The following DIS3L2 variants were observed in gnomAD, a reference collection of about 807,000 sequenced individuals.
The protein encoded by DIS3L2 is DIS3 like 3'-5' exoribonuclease 2.
A neutral mutation model predicts 97.5 loss-of-function variants in DIS3L2; 34 were observed. That is an observed-to-expected ratio of 0.35 (90% confidence interval 0.27 to 0.46). DIS3L2 has a LOEUF of 0.46. Among genes scored for constraint, DIS3L2 ranks in the 20% least tolerant of loss-of-function variants. DIS3L2 has a pLI of 1.00. For synonymous variants in DIS3L2, 435 were observed against 445.2 expected, an observed-to-expected ratio of 0.98 and a Z score of 0.29; for missense variants, 1,038 against 1,146.0, an observed-to-expected ratio of 0.91 and a Z score of 1.36.
chr2:231,985,983 A>G (rs1455904543), intron 1 of DIS3L2, among the ~76,000 whole-genome samples: 1 of 152,214 alleles, frequency 6.6e-6, no homozygotes, highest in African/African-American at 2.4e-5. Flanking sequence ...CAAGTCGGGT[A>G]AGCTGGCTTG....
At chr2:232,305,614 T>G (rs189761847) in intron 14 of DIS3L2, among the ~76,000 whole-genome samples, 7 of 152,316 alleles carry the variant, frequency 4.6e-5, no homozygotes, top group African/African-American at 1.7e-4. Flanking sequence ...GTCTATTGAC[T>G]CACTCTTACG....
intron 9 of DIS3L2, among the ~76,000 whole-genome samples, chr2:232,164,429 A>G (rs893765207): frequency 3.9e-5 from 6 of 152,224 alleles, no homozygotes; most frequent in Non-Finnish European, 7.3e-5. Context: ...GGAGATATTT[A>G]GAACCAAGAA....
Position 232,302,741 on chromosome 2 carries a change from A to G in DIS3L2, c.1739+2622A>G, listed in dbSNP as rs977891311. Among the ~76,000 whole-genome samples, 3 of 151,882 alleles carry G rather than the reference A, an allele frequency of 2.0e-5. No homozygotes were observed. The South Asian group carries it at 6.2e-4, about 32-fold the overall frequency. ...ACACCTAGCTAAATTTTGTATTTTTAGTAGAGATGGGGTTTCACCATATTG... is the reference window on the plus strand; with the variant it reads ...ACACCTAGCTAAATTTTGTATTTTTGGTAGAGATGGGGTTTCACCATATTG... On this transcript the variant is annotated intron_variant, in intron 14 of 20. Coordinates refer to ENST00000325385, the MANE Select transcript of DIS3L2 (RefSeq NM_152383.5).
intron 9 of DIS3L2, among the ~76,000 whole-genome samples, chr2:232,181,961 A>G (rs1312097741): frequency 6.6e-6 from 1 of 151,850 alleles, no homozygotes; most frequent in East Asian, 1.9e-4. Flanking sequence ...CGCCTGGCTA[A>G]TTTTTGTATT....
At chr2:232,112,978 G>T (rs927746640) in intron 6 of DIS3L2, among the ~76,000 whole-genome samples, 1 of 152,070 alleles carries the variant, frequency 6.6e-6, no homozygotes, top group African/African-American at 2.4e-5. Context: ...GATTAGTACA[G>T]GATGCACAGT....
At chr2:232,086,617 A>ATATATATATATACACATATATATATG (rs1468310094) in intron 5 of DIS3L2, among the ~76,000 whole-genome samples, 21 of 118,840 alleles carry the variant, frequency 1.8e-4, no homozygotes, top group African/African-American at 6.6e-4. Flanking sequence ...GTGTGTGTAT[A>ATATATATATATACACATATATATATG]TATATATATA....
intron 1 of DIS3L2, among the ~76,000 whole-genome samples, chr2:231,970,136 TGAG>T (rs774535015): frequency 4.6e-5 from 7 of 152,044 alleles, no homozygotes; most frequent in Non-Finnish European, 8.8e-5. Flanking sequence ...TTAGTAGAGA[TGAG>T]GTCTTGTTAT....
At chr2:232,139,546 G>A (rs1194222045) in intron 8 of DIS3L2, among the ~76,000 whole-genome samples, 1 of 152,166 alleles carries the variant, frequency 6.6e-6, no homozygotes, top group Non-Finnish European at 1.5e-5. Flanking sequence ...AGCGCTGTGG[G>A]ACTCCTGGGA....
intron 5 of DIS3L2, among the ~76,000 whole-genome samples, chr2:232,084,523 C>G (rs144879448): frequency 3.8e-4 from 58 of 152,274 alleles, no homozygotes; most frequent in African/African-American, 1.3e-3. Context: ...TATCAGTGCC[C>G]TAGCTGTAGC....
intron 10 of DIS3L2, among the ~76,000 whole-genome samples, chr2:232,216,305 C>T (rs1020877900): frequency 1.3e-5 from 2 of 152,210 alleles, no homozygotes; most frequent in African/African-American, 4.8e-5. Flanking sequence ...ACTCACTCTT[C>T]CTTGGACTCA....
At position 232,051,039 on chromosome 2, in the gene DIS3L2, G is replaced by A. The variant is rs143674573; in HGVS notation, c.366+20959G>A. On this transcript the variant is annotated intron_variant, in intron 5 of 20. Coordinates refer to ENST00000325385, the MANE Select transcript of DIS3L2 (RefSeq NM_152383.5). ...AATATTTAAGGCAAGGGAACTGTAT[G>A]TTTAAAGGAAGAGACGCATGCATTC... is the stretch of plus-strand genomic sequence containing the variant. 4.3e-3 allele frequency among the ~76,000 whole-genome samples: 657 copies of A among 152,356 alleles called. 4 individuals are homozygous for A. The highest frequency in any genetic ancestry group is 0.024 in the Middle Eastern group (7 of 294).
At chr2:232,021,513 G>A (rs1193300328) in intron 3 of DIS3L2, among the ~76,000 whole-genome samples, 1 of 152,004 alleles carries the variant, frequency 6.6e-6, no homozygotes, top group East Asian at 1.9e-4. Context: ...ACGTGGGAGA[G>A]AGTAGGTGGG....
At chr2:232,284,511 C>T (rs1018898086) in intron 13 of DIS3L2, among the ~76,000 whole-genome samples, 11 of 152,224 alleles carry the variant, frequency 7.2e-5, no homozygotes, top group Admixed American at 5.9e-4. Flanking sequence ...AGACCAATCT[C>T]TTGTGTATTC....
intron 3 of DIS3L2, among the ~76,000 whole-genome samples, chr2:232,018,730 A>G (rs1051006707): frequency 6.6e-6 from 1 of 151,974 alleles, no homozygotes; most frequent in African/African-American, 2.4e-5. Context: ...GGAGTAGAGT[A>G]TTTTTATTTT....
intron 8 of DIS3L2, among the ~76,000 whole-genome samples, chr2:232,159,023 A>G (rs1448706288): frequency 6.6e-6 from 1 of 152,196 alleles, no homozygotes. Flanking sequence ...ACTTCACTCT[A>G]GTGAACACAG....
chr2:232,236,725 A>G (rs547456293), intron 10 of DIS3L2, among the ~76,000 whole-genome samples: 3 of 152,168 alleles, frequency 2.0e-5, no homozygotes, highest in Admixed American at 1.3e-4. Flanking sequence ...CCCATTGTAT[A>G]TCTTTAAACT....
exon 14 of DIS3L2, chr2:232,343,530 A>G (rs1165906842): frequency 1.3e-6 from 2 of 1,561,588 alleles, no homozygotes; most frequent in East Asian, 4.8e-5. Flanking sequence ...CAAAGCCCCA[A>G]AACACGATAA....
rs531997700 is a variant in DIS3L2, at chr2:232,309,879, G to A, written c.1739+9760G>A. Among the ~76,000 whole-genome samples, 8 of 152,328 alleles carry A rather than the reference G, an allele frequency of 5.3e-5. No homozygotes were observed. In the South Asian group the frequency reaches 1.7e-3, roughly 32 times the overall value. On this transcript the variant is annotated intron_variant, in intron 14 of 20. Coordinates refer to ENST00000325385, the MANE Select transcript of DIS3L2 (RefSeq NM_152383.5). ...TGAGTGATGCCTCTTCCTGGCTGCTGCACTTGAGGAGGGGACAGAGCAGGG... is the reference window on the plus strand; with the variant it reads ...TGAGTGATGCCTCTTCCTGGCTGCTACACTTGAGGAGGGGACAGAGCAGGG...
At chr2:232,209,899 C>T (rs1692139328) in intron 9 of DIS3L2, among the ~76,000 whole-genome samples, 1 of 152,198 alleles carries the variant, frequency 6.6e-6, no homozygotes, top group African/African-American at 2.4e-5. Flanking sequence ...CTCTACGGCC[C>T]AAAGTTTTTT....
Sources: gnomAD v4.1 joint callset for allele counts (sites outside exome capture counted in the v4.1 genomes callset) on GRCh38, gnomAD v4.1.1 for gene constraint, MANE v1.5 for transcripts, NCBI Gene and HGNC (gene_info 2026-07-23, HGNC 2026-07-21) for gene names.